COQ9: variants seen among roughly 807,000 people sequenced by gnomAD.
COQ9 encodes the protein ubiquinone biosynthesis protein COQ9, mitochondrial.
COQ9 carries 35 observed loss-of-function variants against 42.4 expected under a neutral mutation model. That is an observed-to-expected ratio of 0.83 (90% CI 0.63 to 1.10). COQ9 has a LOEUF of 1.10. COQ9 is among the 50% of genes least tolerant of loss of function. The pLI is 0.00. For missense variants in COQ9, 406 were observed against 414.6 expected (o/e 0.98, Z 0.18); for synonymous variants, 155 against 155.1 (o/e 1.00, Z 0.00).
At chr16:57,458,225 C>T (rs776411196) in intron 5 of COQ9, 21 bp from the exon 6 acceptor site, 12 of 1,547,608 alleles carry the variant, frequency 7.8e-6, no homozygotes, top group Admixed American at 6.9e-5. Context: ...AGAGCTTACT[C>T]CTCTGCCATT....
intron 3 of COQ9, chr16:57,454,092 C>G (rs1283284339): frequency 2.0e-5 from 3 of 152,140 alleles, no homozygotes; most frequent in African/African-American, 7.2e-5. Flanking sequence ...TAGATCAGGT[C>G]ACAGCTGCGA....
At chr16:57,449,714 C>A (rs541579367) in intron 1 of COQ9, among the ~76,000 whole-genome samples, 66 of 152,186 alleles carry the variant, frequency 4.3e-4, no homozygotes, top group Non-Finnish European at 2.2e-4. Context: ...TAGATGAAAT[C>A]TTAGGACAGG....
At position 57,456,587 on chromosome 16, in the gene COQ9, T is replaced by C. The variant is rs147076111; in HGVS notation, c.462T>C (p.Asn154=). Residue 154 remains asparagine (N), a synonymous_variant, in exon 4 of 9, where the codon AAT becomes AAC. Coordinates refer to ENST00000262507, the MANE Select transcript of COQ9 (RefSeq NM_020312.4). ...ELILHFVTQC[N]TRLTRVLEEE... The stretch of plus-strand genomic sequence containing the variant: ...TACTGCATTTTGTGACCCAGTGCAA[T>C]ACCCGGCTCACACGTGTGCTAGAAG... The C allele has an allele frequency of 1.2e-5, 19 of 1,613,996 alleles. No individual in the cohort carries two copies. In the African/African-American group the frequency reaches 2.4e-4, roughly 20 times the overall value.
chr16:57,452,778 T>C, intron 2 of COQ9, 23 bp from the exon 3 acceptor site: 1 of 1,612,712 alleles, frequency 6.2e-7, no homozygotes, highest in South Asian at 1.1e-5. Context: ...TGAAGTATGC[T>C]GGGCTGTGTC....
In COQ9 at chr16:57,447,539, C is replaced by G. The variant is rs538303703; in HGVS notation, c.34C>G (p.Arg12Gly). The change falls in exon 1 of 9, where the codon CGG (arginine) becomes GGG (glycine). Residue 12 changes from arginine (R) to glycine (G), a missense_variant. Transcript: ENST00000262507. ...AAAAVSGALG[R>G]AGWRLLQLRC... Reference sequence around the variant, plus strand: ...GGCGGCGGTATCTGGTGCGCTTGGCCGGGCGGGCTGGAGGCTCCTGCAGCT... The same window carrying G: ...GGCGGCGGTATCTGGTGCGCTTGGCGGGGCGGGCTGGAGGCTCCTGCAGCT... 7.6e-7 allele frequency: 1 copy of G among 1,310,172 alleles called. No homozygotes were observed. Among genetic ancestry groups the G allele is most frequent in the Non-Finnish European group, 9.8e-7 (1 of 1,023,894 alleles). 81.2% of individuals were successfully genotyped at this position (1,310,172 alleles called of 1,614,324 possible). A position where few individuals can be genotyped will look rare whatever the true frequency, so the allele number is the denominator to read the frequency against.
intron 1 of COQ9, among the ~76,000 whole-genome samples, chr16:57,449,257 T>G (rs2030222932): frequency 6.6e-6 from 1 of 152,050 alleles, no homozygotes; most frequent in Non-Finnish European, 1.5e-5. Context: ...AACAGTAAAA[T>G]TTTTTTTGAC....
In COQ9 at chr16:57,449,638, AATAT is replaced by A. The variant is rs1327040288; in HGVS notation, c.74-1392_74-1389del. ...TCTCTATTTAAACTTAAAATAAATA[AATAT>A]ATATATATACACACACATATATAGT... On this transcript the variant is annotated intron_variant, in intron 1 of 8. Transcript: ENST00000262507. 5.9e-5 allele frequency among the ~76,000 whole-genome samples: 9 copies of A among 151,800 alleles called. No homozygotes were observed. The South Asian group carries it at 1.9e-3, about 32-fold the overall frequency.
intron 3 of COQ9, 109 bp downstream of exon 3, chr16:57,453,045 C>A: frequency 2.1e-6 from 3 of 1,428,718 alleles, no homozygotes; most frequent in Non-Finnish European, 2.9e-6. Flanking sequence ...CAGAGCCCCT[C>A]ACAGCTGCAA....
chr16:57,450,813 G>A, intron 1 of COQ9: 1 of 594,552 alleles, frequency 1.7e-6, no homozygotes. Context: ...GGTAGAAACA[G>A]GTCAAGATGC....
Position 57,460,500 on chromosome 16 carries a change from A to C in COQ9, c.922-89A>C, listed in dbSNP as rs759784395. The C allele has an allele frequency of 1.4e-5, 18 of 1,330,206 alleles. No individual in the cohort carries two copies. The Middle Eastern group carries it at 3.4e-3, about 250-fold the overall frequency. 82.4% of individuals were successfully genotyped at this position (1,330,206 alleles called of 1,614,324 possible). ...TCTCTATGCAAAAAAGAAAAAAAAA[A>C]AGAGAAAAAGAAAAGCTAGGTCTTT... is the stretch of plus-strand genomic sequence containing the variant. On this transcript the variant is annotated intron_variant, in intron 8 of 8. Transcript: ENST00000262507.
At chr16:57,448,536 G>C (rs2030195907) in intron 1 of COQ9, among the ~76,000 whole-genome samples, 1 of 151,856 alleles carries the variant, frequency 6.6e-6, no homozygotes, top group South Asian at 2.1e-4. Flanking sequence ...TGATTCTCCT[G>C]CCTCAGCCTT....
In COQ9 at chr16:57,453,186, CA is replaced by C. The variant is rs150311685; in HGVS notation, c.378+254del. The C allele has an allele frequency of 0.012, 6,599 of 557,046 alleles. 343 individuals carry two copies. The highest frequency in any genetic ancestry group is 0.11 in the African/African-American group (5,829 of 53,066). The allele number at this position is 557,046 out of a possible 1,614,324, so 34.5% of individuals were successfully genotyped here. A position where few individuals can be genotyped will look rare whatever the true frequency, so the allele number is the denominator to read the frequency against. ...CTATTAGGCAAGAATTGTCTGTGAT[CA>C]AAACTCCCATGTTTCATTGACTCTA... On this transcript the variant is annotated intron_variant, in intron 3 of 8. Transcript: ENST00000262507.
chr16:57,457,990 T>C (rs568826558), intron 5 of COQ9: 40 of 496,150 alleles, frequency 8.1e-5, no homozygotes, highest in Middle Eastern at 5.8e-4. Flanking sequence ...CCTCTGGCCC[T>C]CTGCATTCCC....
chr16:57,454,778 T>C (rs1364828318), intron 3 of COQ9, among the ~76,000 whole-genome samples: 5 of 152,140 alleles, frequency 3.3e-5, no homozygotes, highest in South Asian at 4.1e-4. Context: ...ATACAGAAAC[T>C]GCACAGGCAA....
chr16:57,453,526 T>TA (rs1171126612), intron 3 of COQ9: 1 of 166,158 alleles, frequency 6.0e-6, no homozygotes, highest in Non-Finnish European at 1.3e-5. Flanking sequence ...CATAGCAAGA[T>TA]ACCATCCTCC....
rs536847466 is a variant in COQ9 at position 57,456,922 on chromosome 16, C to A, written c.522-9C>A. ...TCAGAGACACACTGTTTTCTTTTCC[C>A]TCTTCCAGGAAGAGGAAGACAGACC... On this transcript the variant is annotated splice_polypyrimidine_tract_variant and intron_variant, in intron 4 of 8. Transcript: ENST00000262507. 19 of 1,610,634 alleles carry A rather than the reference C, an allele frequency of 1.2e-5. No individual in the cohort carries two copies. Among genetic ancestry groups the A allele is most frequent in the Non-Finnish European group, 1.6e-5 (19 of 1,176,922 alleles).
At chr16:57,450,966 T>C (rs962096241) in intron 1 of COQ9, 74 bp from the exon 2 acceptor site, 9 of 1,533,408 alleles carry the variant, frequency 5.9e-6, no homozygotes, top group South Asian at 4.6e-5. Flanking sequence ...TCCTCCTCCT[T>C]ATCTGTGTTA....
intron 4 of COQ9, 138 bp downstream of exon 4, chr16:57,456,784 T>C: frequency 7.4e-7 from 1 of 1,344,296 alleles, no homozygotes; most frequent in Non-Finnish European, 1.0e-6. Flanking sequence ...GTGATGGGAC[T>C]GAAACCTGGC....
In COQ9 at chr16:57,447,588, C is replaced by T; in HGVS notation, c.73+10C>T. Reference sequence around the variant, plus strand: ...CTGCGATGCCTGCCCGGTGAGGGGGCTGCCAAGCCGGGGAGAGGCGGGGAG... The same window carrying T: ...CTGCGATGCCTGCCCGGTGAGGGGGTTGCCAAGCCGGGGAGAGGCGGGGAG... On this transcript the variant is annotated intron_variant, in intron 1 of 8. Coordinates refer to ENST00000262507, the MANE Select transcript of COQ9 (RefSeq NM_020312.4). 7.9e-7 allele frequency: 1 copy of T among 1,262,966 alleles called. No individual in the cohort carries two copies. The highest frequency in any genetic ancestry group is 1.0e-6 in the Non-Finnish European group (1 of 1,001,582). 78.2% of individuals were successfully genotyped at this position (1,262,966 alleles called of 1,614,324 possible).
Sources: allele counts gnomAD v4.1 joint callset (sites outside exome capture counted in the v4.1 genomes callset), GRCh38; gene constraint gnomAD v4.1.1; transcripts MANE v1.5; gene names NCBI Gene and HGNC (gene_info 2026-07-23, HGNC 2026-07-21).